Variants in ADAMTS19 observed in about 807,000 individuals in gnomAD.
ADAMTS19 encodes A disintegrin and metalloproteinase with thrombospondin motifs 19.
ADAMTS19 carries 93 observed loss-of-function variants against 153.3 expected under a neutral mutation model. The ratio of observed to expected loss-of-function variants is 0.61; its 90% confidence interval spans 0.51 to 0.72. The LOEUF is 0.72. Ranked by LOEUF, ADAMTS19 falls within the 30% of genes least tolerant of loss-of-function variation. The pLI, the probability that ADAMTS19 is intolerant of heterozygous loss-of-function variation, is 0.00. For missense variants in ADAMTS19, 1,482 were observed against 1,552.1 expected, an observed-to-expected ratio of 0.95 and a Z score of 0.76; for synonymous variants, 600 against 556.6, an observed-to-expected ratio of 1.08 and a Z score of -1.10.
chr5:129,675,266 T>A (rs912665438), intron 16 of ADAMTS19, among the ~76,000 whole-genome samples: 1 of 152,210 alleles, frequency 6.6e-6, no homozygotes, highest in African/African-American at 2.4e-5. Flanking sequence ...TTTCATTGCA[T>A]TTTTTAGATT....
intron 8 of ADAMTS19, among the ~76,000 whole-genome samples, chr5:129,607,840 A>G (rs1226217302): frequency 6.6e-6 from 1 of 151,722 alleles, no homozygotes; most frequent in Admixed American, 6.6e-5. Context: ...AATTCACAAC[A>G]GGTATGGAAA....
intron 13 of ADAMTS19, among the ~76,000 whole-genome samples, chr5:129,653,744 T>G (rs1753418859): frequency 1.3e-5 from 2 of 152,196 alleles, no homozygotes; most frequent in Admixed American, 1.3e-4. Context: ...ACTACAATCC[T>G]AGTAACAGAA....
chr5:129,540,817 A>G (rs1174170791), intron 6 of ADAMTS19, among the ~76,000 whole-genome samples: 2 of 152,026 alleles, frequency 1.3e-5, no homozygotes, highest in African/African-American at 4.8e-5. Context: ...CTTAGGCAAA[A>G]TTTATTGGCC....
Position 129,645,422 on chromosome 5 carries a change from A to G in ADAMTS19, c.1873-2343A>G, listed in dbSNP as rs140261654. Among the ~76,000 whole-genome samples the G allele has an allele frequency of 3.4e-3, 521 of 152,342 alleles. 2 individuals are homozygous for G. Among genetic ancestry groups the G allele is most frequent in the African/African-American group, 0.011 (478 of 41,576 alleles). ...TTCCTCATTGTTGAAGCACAGAACC[A>G]TATAGAAGACACAAAAGCAGGTACC... On this transcript the variant is annotated intron_variant, in intron 11 of 22. Transcript: ENST00000274487.
At chr5:129,636,104 C>G (rs62399042) in intron 10 of ADAMTS19, among the ~76,000 whole-genome samples, 19,603 of 152,152 alleles carry the variant, frequency 0.13, 1,736 homozygotes, top group African/African-American at 0.25. Flanking sequence ...ACCGTGTTAG[C>G]TAGGCTGGTC....
intron 10 of ADAMTS19, among the ~76,000 whole-genome samples, chr5:129,635,010 T>C (rs1467018043): frequency 6.6e-6 from 1 of 152,024 alleles, no homozygotes; most frequent in African/African-American, 2.4e-5. Context: ...GAGAAAATTT[T>C]TGCAAACTAT....
chr5:129,538,389 G>A (rs893092759), intron 6 of ADAMTS19, among the ~76,000 whole-genome samples: 1 of 151,774 alleles, frequency 6.6e-6, no homozygotes, highest in African/African-American at 2.4e-5. Context: ...AATATATTGT[G>A]GCATTAATTT....
chr5:129,460,460 C>A lies in ADAMTS19; in HGVS notation c.69C>A (p.Phe23Leu). ...CCCCLLYQLG[F>L]LSNGIVSELQ... ...GCTGCCTCCTTTACCAGCTGGGGTTCCTGTCGAATGGGATCGTTTCAGGTA... is the reference window on the plus strand; with the variant it reads ...GCTGCCTCCTTTACCAGCTGGGGTTACTGTCGAATGGGATCGTTTCAGGTA... Residue 23 changes from phenylalanine to leucine, a missense_variant, in exon 1 of 23, where the codon TTC becomes TTA. Coordinates refer to ENST00000274487, the MANE Select transcript of ADAMTS19 (RefSeq NM_133638.6). 1 of 1,614,196 alleles carries A rather than the reference C, an allele frequency of 6.2e-7. No individual in the cohort carries two copies. Among genetic ancestry groups the A allele is most frequent in the Non-Finnish European group, 8.5e-7 (1 of 1,180,032 alleles).
intron 3 of ADAMTS19, among the ~76,000 whole-genome samples, chr5:129,521,040 T>C: frequency 6.6e-6 from 1 of 152,164 alleles, no homozygotes; most frequent in Non-Finnish European, 1.5e-5. Context: ...GAATCCAGTT[T>C]TCTCTTTTAC....
At chr5:129,620,891 G>A in intron 9 of ADAMTS19, 133 bp downstream of exon 9, 1 of 860,902 alleles carries the variant, frequency 1.2e-6, no homozygotes, top group Non-Finnish European at 1.7e-6. Flanking sequence ...TCCAATCCTG[G>A]CTTTTCCATT....
chr5:129,515,822 T>C lies in ADAMTS19; in HGVS notation c.913+6580T>C, dbSNP rs34910117. Among the ~76,000 whole-genome samples, 580 of 152,116 alleles carry C rather than the reference T, an allele frequency of 3.8e-3. 2 individuals are homozygous for C. Among genetic ancestry groups the C allele is most frequent in the Non-Finnish European group, 6.3e-3 (428 of 67,902 alleles). ...GTTCTAGCTAGGACTTACAGTAATATATTGAATAACAGTGGAGAGAGTGGG... is the reference window on the plus strand; with the variant it reads ...GTTCTAGCTAGGACTTACAGTAATACATTGAATAACAGTGGAGAGAGTGGG... On this transcript the variant is annotated intron_variant, in intron 3 of 22. Transcript: ENST00000274487.
chr5:129,615,222 T>C (rs936322895), intron 8 of ADAMTS19, among the ~76,000 whole-genome samples: 1 of 152,068 alleles, frequency 6.6e-6, no homozygotes, highest in African/African-American at 2.4e-5. Flanking sequence ...AGAGCCCACA[T>C]TGCCAAGACA....
intron 8 of ADAMTS19, among the ~76,000 whole-genome samples, chr5:129,612,555 G>A (rs938533867): frequency 7.2e-5 from 11 of 152,076 alleles, no homozygotes; most frequent in African/African-American, 2.7e-4. Context: ...ACATGGAAAG[G>A]AACAGCTGGT....
At chr5:129,634,600 G>C (rs1012263533) in intron 10 of ADAMTS19, among the ~76,000 whole-genome samples, 1 of 152,054 alleles carries the variant, frequency 6.6e-6, no homozygotes, top group Non-Finnish European at 1.5e-5. Context: ...CAATGGAACA[G>C]AAGGGAAAAC....
chr5:129,715,201 T>C (rs567460810), intron 21 of ADAMTS19, among the ~76,000 whole-genome samples: 4 of 152,218 alleles, frequency 2.6e-5, no homozygotes, highest in Non-Finnish European at 5.9e-5. Flanking sequence ...ATCTATAGAA[T>C]TACTTTTAAT....
chr5:129,695,398 G>A (rs976215245), intron 19 of ADAMTS19, among the ~76,000 whole-genome samples: 3 of 152,090 alleles, frequency 2.0e-5, no homozygotes, highest in Non-Finnish European at 4.4e-5. Flanking sequence ...CAGATGCTTT[G>A]GTTTCCTCTG....
chr5:129,477,368 T>G (rs1183837985), intron 2 of ADAMTS19, among the ~76,000 whole-genome samples: 2 of 152,190 alleles, frequency 1.3e-5, no homozygotes, highest in Admixed American at 6.5e-5. Flanking sequence ...TGTAGTTCCT[T>G]CTTTTGTCAG....
intron 18 of ADAMTS19, among the ~76,000 whole-genome samples, chr5:129,692,626 G>C (rs1038369748): frequency 6.6e-6 from 1 of 152,182 alleles, no homozygotes; most frequent in Non-Finnish European, 1.5e-5. Flanking sequence ...TTTCTGCACT[G>C]CATAAAGTCT....
At chr5:129,721,080 G>C (rs965969188) in intron 21 of ADAMTS19, among the ~76,000 whole-genome samples, 7 of 152,122 alleles carry the variant, frequency 4.6e-5, no homozygotes, top group Admixed American at 1.3e-4. Flanking sequence ...TTTGTGGATG[G>C]CTATTTATTG....
Sources: gnomAD v4.1 joint callset for allele counts (sites outside exome capture counted in the v4.1 genomes callset) on GRCh38, gnomAD v4.1.1 for gene constraint, MANE v1.5 for transcripts, NCBI Gene and HGNC (gene_info 2026-07-23, HGNC 2026-07-21) for gene names.